SCFD2: variants seen among roughly 807,000 people sequenced by gnomAD.
The protein encoded by SCFD2 is sec1 family domain containing 2, also known as sec1 family domain-containing protein 2.
A neutral mutation model predicts 58.9 loss-of-function variants in SCFD2; 54 were observed. The ratio of observed to expected loss-of-function variants is 0.92; its 90% CI spans 0.74 to 1.15. The LOEUF (loss-of-function observed/expected upper bound fraction) is 1.15, where lower values mean the gene tolerates loss of function less well. SCFD2 is among the 50% of genes most tolerant of loss of function. SCFD2 has a pLI of 0.00. For missense variants in SCFD2, 805 were observed against 836.6 expected (o/e 0.96, Z 0.47); for synonymous variants, 321 against 335.9 (o/e 0.96, Z 0.49).
intron 4 of SCFD2, among the ~76,000 whole-genome samples, chr4:53,217,329 C>T (rs778002099): frequency 8.5e-5 from 13 of 152,128 alleles, no homozygotes; most frequent in African/African-American, 1.7e-4. Context: ...ACTGGGTGCC[C>T]GTGTATTGGG....
intron 5 of SCFD2, among the ~76,000 whole-genome samples, chr4:53,002,829 C>T (rs1292361622): frequency 1.3e-5 from 2 of 152,180 alleles, no homozygotes; most frequent in African/African-American, 2.4e-5. Flanking sequence ...CATGGTTCCA[C>T]AGGCTGTACA....
intron 3 of SCFD2, among the ~76,000 whole-genome samples, chr4:53,286,754 T>C (rs1731680251): frequency 6.6e-6 from 1 of 152,124 alleles, no homozygotes; most frequent in Non-Finnish European, 1.5e-5. Flanking sequence ...GCTGTTGAGG[T>C]ACCCTGCCTC....
At chr4:53,042,294 T>G (rs933121682) in intron 5 of SCFD2, among the ~76,000 whole-genome samples, 1 of 152,168 alleles carries the variant, frequency 6.6e-6, no homozygotes, top group African/African-American at 2.4e-5. Context: ...CATTTATTTC[T>G]ATGTAAGTAG....
At chr4:53,215,344 A>G (rs1182848934) in intron 4 of SCFD2, among the ~76,000 whole-genome samples, 2 of 152,084 alleles carry the variant, frequency 1.3e-5, no homozygotes, top group Non-Finnish European at 2.9e-5. Flanking sequence ...AGTGGTTTGT[A>G]GTTCTCCTTG....
intron 5 of SCFD2, among the ~76,000 whole-genome samples, chr4:52,941,770 T>C (rs1488281724): frequency 6.6e-6 from 1 of 152,226 alleles, no homozygotes; most frequent in Non-Finnish European, 1.5e-5. Context: ...GCACAGTGCA[T>C]GCTAAGAGGC....
chr4:52,917,830 C>A (rs965018875), intron 6 of SCFD2, among the ~76,000 whole-genome samples: 4 of 152,224 alleles, frequency 2.6e-5, no homozygotes, highest in Non-Finnish European at 5.9e-5. Flanking sequence ...CTTTCTGCAT[C>A]TGAATTGTGA....
intron 3 of SCFD2, among the ~76,000 whole-genome samples, chr4:53,303,211 T>G (rs564029107): frequency 5.3e-5 from 8 of 152,066 alleles, no homozygotes; most frequent in Non-Finnish European, 7.4e-5. Flanking sequence ...ATCTGACAAA[T>G]GGCTAATATC....
intron 5 of SCFD2, among the ~76,000 whole-genome samples, chr4:53,102,823 T>C (rs1441683926): frequency 1.3e-5 from 2 of 151,962 alleles, no homozygotes; most frequent in East Asian, 3.9e-4. Flanking sequence ...AACAAAAATA[T>C]AGGAACCAGC....
chr4:53,112,146 A>G (rs1313545631), intron 5 of SCFD2, among the ~76,000 whole-genome samples: 2 of 152,160 alleles, frequency 1.3e-5, no homozygotes, highest in African/African-American at 2.4e-5. Flanking sequence ...TGTAGTCCAC[A>G]TATTGAATCA....
At chr4:52,961,595 C>T (rs148827115) in intron 5 of SCFD2, among the ~76,000 whole-genome samples, 1 of 152,266 alleles carries the variant, frequency 6.6e-6, no homozygotes, top group East Asian at 1.9e-4. Context: ...GCAGCTGAAA[C>T]AGTGAGGTGT....
chr4:52,975,350 A>T (rs971847587), intron 5 of SCFD2, among the ~76,000 whole-genome samples: 8 of 152,224 alleles, frequency 5.3e-5, no homozygotes, highest in Non-Finnish European at 1.0e-4. Context: ...CCCATCAAAA[A>T]GTAGGCGAAG....
chr4:53,250,968 A>T (rs1730348110), intron 4 of SCFD2, among the ~76,000 whole-genome samples: 1 of 152,258 alleles, frequency 6.6e-6, no homozygotes, highest in African/African-American at 2.4e-5. Context: ...TGGTTTTTTG[A>T]AAAGATCAAC....
intron 1 of SCFD2, among the ~76,000 whole-genome samples, chr4:53,360,391 T>C (rs754061843): frequency 6.6e-6 from 1 of 152,244 alleles, no homozygotes; most frequent in Non-Finnish European, 1.5e-5. Flanking sequence ...TTTTAATCCT[T>C]CTAAAAGTGA....
intron 1 of SCFD2, among the ~76,000 whole-genome samples, chr4:53,364,335 G>A (rs1177090522): frequency 6.6e-6 from 1 of 152,072 alleles, no homozygotes; most frequent in African/African-American, 2.4e-5. Context: ...ATTCTCCCTG[G>A]ACTTGGAAGT....
At chr4:53,104,326 A>G (rs567947908) in intron 5 of SCFD2, among the ~76,000 whole-genome samples, 1 of 152,322 alleles carries the variant, frequency 6.6e-6, no homozygotes, top group Admixed American at 6.5e-5. Flanking sequence ...TATATCACCA[A>G]TCTAATAATG....
At chr4:53,254,481 T>C (rs1730521309) in intron 4 of SCFD2, among the ~76,000 whole-genome samples, 1 of 151,778 alleles carries the variant, frequency 6.6e-6, no homozygotes, top group African/African-American at 2.4e-5. Context: ...CTTTTTTCTT[T>C]TTTTCTTTTT....
intron 7 of SCFD2, among the ~76,000 whole-genome samples, chr4:52,895,426 G>T (rs1332446102): frequency 6.6e-6 from 1 of 152,070 alleles, no homozygotes; most frequent in Non-Finnish European, 1.5e-5. Context: ...GCGGTGTTTG[G>T]TTTTTTGCCT....
chr4:53,255,364 C>A (rs1730573816), intron 4 of SCFD2, among the ~76,000 whole-genome samples: 1 of 152,126 alleles, frequency 6.6e-6, no homozygotes, highest in African/African-American at 2.4e-5. Flanking sequence ...CTGCGGCCTT[C>A]CGCAGTGTTT....
intron 4 of SCFD2, among the ~76,000 whole-genome samples, chr4:53,154,392 C>G (rs1252605589): frequency 1.3e-5 from 2 of 152,098 alleles, no homozygotes; most frequent in Non-Finnish European, 2.9e-5. Context: ...GTAGCATACT[C>G]TTTTAAACAA....
Sources: gnomAD v4.1 joint callset for allele counts (sites outside exome capture counted in the v4.1 genomes callset) on GRCh38, gnomAD v4.1.1 for gene constraint, MANE v1.5 for transcripts, NCBI Gene and HGNC (gene_info 2026-07-23, HGNC 2026-07-21) for gene names.